RAB27B: variants seen among roughly 807,000 people sequenced by gnomAD.
RAB27B encodes the protein RAB27B, member RAS oncogene family.
RAB27B carries 15 observed loss-of-function variants against 24.6 expected under a neutral mutation model. The observed-to-expected ratio is 0.61, with a 90% CI of 0.41 to 0.94. The LOEUF is 0.94. Among genes scored for constraint, RAB27B ranks in the 40% least tolerant of loss-of-function variants. The pLI, the probability that RAB27B is intolerant of heterozygous loss-of-function variation, is 0.00. For synonymous variants in RAB27B, 105 were observed against 92.5 expected (o/e 1.14, Z -0.78); for missense variants, 261 against 266.8 (o/e 0.98, Z 0.15).
chr18:54,774,350 A>G (rs879362378), intron 2 of RAB27B, among the ~76,000 whole-genome samples: 3 of 152,248 alleles, frequency 2.0e-5, no homozygotes, highest in African/African-American at 4.8e-5. Context: ...TGTAATCTCA[A>G]TAATCCTTCC....
chr18:54,867,845 A>T (rs1429756398), intron 1 of RAB27B, among the ~76,000 whole-genome samples: 1 of 152,196 alleles, frequency 6.6e-6, no homozygotes, highest in African/African-American at 2.4e-5. Flanking sequence ...GTAGGAATCC[A>T]TGAGAGAAAA....
In RAB27B at chr18:54,861,110, T is replaced by C. The variant is rs147260054; in HGVS notation, c.-19-16457T>C. 2.4e-3 allele frequency among the ~76,000 whole-genome samples: 361 copies of C among 152,314 alleles called. 4 individuals carry two copies. Among genetic ancestry groups the C allele is most frequent in the East Asian group, 0.016 (83 of 5,182 alleles). On this transcript the variant is annotated intron_variant, in intron 1 of 5. Transcript: ENST00000262094. ...TCCCCACATCTCAGGGAGGCAGAAC[T>C]TGTGGGCAGATATTTTGATTAGTTT...
intron 1 of RAB27B, among the ~76,000 whole-genome samples, chr18:54,872,452 C>A (rs1438529311): frequency 6.6e-6 from 1 of 151,494 alleles, no homozygotes; most frequent in Admixed American, 6.6e-5. Context: ...ATGGAGAAAC[C>A]CCATCTCTAC....
At chr18:54,812,485 T>C (rs1909992948) in intron 2 of RAB27B, among the ~76,000 whole-genome samples, 1 of 151,610 alleles carries the variant, frequency 6.6e-6, no homozygotes, top group Admixed American at 6.6e-5. Context: ...AATGTGTTAG[T>C]ACTCATTGCA....
chr18:54,760,677 G>C (rs1357663801), intron 2 of RAB27B, among the ~76,000 whole-genome samples: 1 of 152,084 alleles, frequency 6.6e-6, no homozygotes, highest in Admixed American at 6.6e-5. Flanking sequence ...ACAGGGTAAC[G>C]TAACACAGAG....
chr18:54,827,101 G>C (rs538026311), upstream of RAB27B, among the ~76,000 whole-genome samples: 18 of 152,292 alleles, frequency 1.2e-4, no homozygotes, highest in African/African-American at 4.3e-4. Flanking sequence ...AGATATTGCT[G>C]TTAAATGCAA....
chr18:54,833,785 G>T lies in RAB27B; in HGVS notation c.-20+5085G>T, dbSNP rs541375983. Among the ~76,000 whole-genome samples the T allele has an allele frequency of 2.5e-4, 38 of 152,300 alleles. No individual in the cohort carries two copies. In the South Asian group the frequency reaches 7.7e-3, roughly 31 times the overall value. Reference sequence around the variant, plus strand: ...AAGAACAAACCAGACAGTGCAAAAGGATTTGCTGAATTCTTAACCTGGGAA... The same window carrying T: ...AAGAACAAACCAGACAGTGCAAAAGTATTTGCTGAATTCTTAACCTGGGAA... On this transcript the variant is annotated intron_variant, in intron 1 of 5. Transcript: ENST00000262094.
At chr18:54,834,294 A>T (rs1329849665) in intron 1 of RAB27B, among the ~76,000 whole-genome samples, 1 of 152,228 alleles carries the variant, frequency 6.6e-6, no homozygotes, top group African/African-American at 2.4e-5. Context: ...ACAGTTTCAT[A>T]GAAAGGAGAT....
intron 1 of RAB27B, among the ~76,000 whole-genome samples, chr18:54,873,165 T>C (rs544123841): frequency 1.5e-4 from 23 of 152,352 alleles, no homozygotes; most frequent in Admixed American, 4.6e-4. Flanking sequence ...TCTCTGTATA[T>C]GACTTCTCAT....
intron 2 of RAB27B, among the ~76,000 whole-genome samples, chr18:54,733,708 A>T (rs561968257): frequency 5.6e-5 from 7 of 124,852 alleles, no homozygotes; most frequent in Non-Finnish European, 1.1e-4. Context: ...CTTCTTTCCT[A>T]TTCCCTGTCC....
At chr18:54,869,855 T>C (rs1365590899) in intron 1 of RAB27B, among the ~76,000 whole-genome samples, 1 of 152,200 alleles carries the variant, frequency 6.6e-6, no homozygotes, top group Non-Finnish European at 1.5e-5. Context: ...TCCATATAAG[T>C]ACATTTGAAT....
intron 1 of RAB27B, among the ~76,000 whole-genome samples, chr18:54,855,445 C>A (rs1444114369): frequency 1.3e-5 from 2 of 152,122 alleles, no homozygotes; most frequent in East Asian, 3.8e-4. Flanking sequence ...TAATATATAT[C>A]ATCAAAGGGT....
chr18:54,766,118 T>G (rs1041164225), intron 2 of RAB27B, among the ~76,000 whole-genome samples: 1 of 152,164 alleles, frequency 6.6e-6, no homozygotes, highest in Admixed American at 6.6e-5. Context: ...TGGAGTTCAG[T>G]CTTAGATTTG....
intron 1 of RAB27B, among the ~76,000 whole-genome samples, chr18:54,853,440 T>C (rs879747646): frequency 1.3e-5 from 2 of 152,150 alleles, no homozygotes; most frequent in Non-Finnish European, 2.9e-5. Flanking sequence ...TTTATGTATA[T>C]ATATATATAT....
At chr18:54,770,349 A>G (rs1339540099) in intron 2 of RAB27B, among the ~76,000 whole-genome samples, 1 of 152,094 alleles carries the variant, frequency 6.6e-6, no homozygotes, top group East Asian at 1.9e-4. Flanking sequence ...TGGCAGCGGC[A>G]TTAGATTCTC....
chr18:54,785,436 G>GTTTTT (rs59750951), intron 2 of RAB27B, among the ~76,000 whole-genome samples: 4 of 101,694 alleles, frequency 3.9e-5, no homozygotes, highest in South Asian at 7.1e-4. Flanking sequence ...CCTTCCTCAG[G>GTTTTT]TTTTTTTTTT....
intron 2 of RAB27B, among the ~76,000 whole-genome samples, chr18:54,718,521 G>T (rs761054846): frequency 6.6e-6 from 1 of 152,050 alleles, no homozygotes; most frequent in Non-Finnish European, 1.5e-5. Context: ...CTTTATTTCT[G>T]CAAATACTCC....
chr18:54,771,501 T>C (rs566715384), intron 2 of RAB27B, among the ~76,000 whole-genome samples: 62 of 152,034 alleles, frequency 4.1e-4, no homozygotes, highest in African/African-American at 1.4e-3. Flanking sequence ...AATTGCCTAA[T>C]AATAGATGGC....
At chr18:54,865,336 A>G (rs1200540989) in intron 1 of RAB27B, among the ~76,000 whole-genome samples, 2 of 151,426 alleles carry the variant, frequency 1.3e-5, no homozygotes, top group African/African-American at 4.9e-5. Context: ...ATTTATGTGG[A>G]AACTATGTTA....
Sources: allele counts gnomAD v4.1 joint callset (sites outside exome capture counted in the v4.1 genomes callset), GRCh38; gene constraint gnomAD v4.1.1; transcripts MANE v1.5; gene names NCBI Gene and HGNC (gene_info 2026-07-23, HGNC 2026-07-21).